CSMD1: variants seen among roughly 807,000 people sequenced by gnomAD.
The protein encoded by CSMD1 is CUB and Sushi multiple domains 1.
A neutral mutation model predicts 417.5 loss-of-function variants in CSMD1; 213 were observed. That is an observed-to-expected ratio of 0.51 (90% CI 0.46 to 0.57). CSMD1 has a LOEUF of 0.57. Ranked by LOEUF, CSMD1 falls within the 20% of genes least tolerant of loss-of-function variation. The probability of loss-of-function intolerance (pLI) is 0.00; values close to 1 mark genes in which losing one functional copy is unlikely to be tolerated. For missense variants in CSMD1, 6,923 were observed against 4,529.7 expected, an observed-to-expected ratio of 1.53 and a Z score of -15.17; for synonymous variants, 2,862 against 1,736.8, an observed-to-expected ratio of 1.65 and a Z score of -16.11.
intron 2 of CSMD1, among the ~76,000 whole-genome samples, chr8:4,564,674 A>G (rs1042909849): frequency 6.6e-6 from 1 of 152,258 alleles, no homozygotes; most frequent in Non-Finnish European, 1.5e-5. Context: ...TCTAAAGTCT[A>G]TAGTACCTGA....
intron 3 of CSMD1, among the ~76,000 whole-genome samples, chr8:4,289,263 C>A (rs973926729): frequency 6.6e-6 from 1 of 152,160 alleles, no homozygotes; most frequent in Non-Finnish European, 1.5e-5. Flanking sequence ...TCCCTGGAAG[C>A]CTCTTTAGGC....
intron 3 of CSMD1, among the ~76,000 whole-genome samples, chr8:4,301,604 G>C (rs905270500): frequency 3.3e-5 from 5 of 152,182 alleles, no homozygotes; most frequent in Non-Finnish European, 5.9e-5. Flanking sequence ...GATTGTATAA[G>C]CTGAACCAGT....
rs554262440 is a variant in CSMD1, at chr8:4,959,008, T to C, written c.85+35324A>G. ...AACGTGAAAACTTAAATCTTAATTG[T>C]ATGCTTTAACTGAGATTATCAAGCC... On this transcript the variant is annotated intron_variant, in intron 1 of 69. Transcript: ENST00000635120. Among the ~76,000 whole-genome samples the C allele has an allele frequency of 3.2e-4, 49 of 152,308 alleles. 2 individuals are homozygous for C. In the South Asian group the frequency reaches 9.5e-3, roughly 30 times the overall value.
At chr8:3,189,547 C>A (rs1412797686) in intron 34 of CSMD1, among the ~76,000 whole-genome samples, 1 of 152,098 alleles carries the variant, frequency 6.6e-6, no homozygotes, top group Non-Finnish European at 1.5e-5. Flanking sequence ...TATTAATTTT[C>A]AAAGATTCAT....
intron 3 of CSMD1, among the ~76,000 whole-genome samples, chr8:4,331,886 G>T (rs1585248706): frequency 1.3e-5 from 2 of 152,038 alleles, no homozygotes; most frequent in African/African-American, 2.4e-5. Context: ...CATAGCTAGA[G>T]AGTTTAACTA....
chr8:4,575,132 A>G (rs887600509), intron 2 of CSMD1, among the ~76,000 whole-genome samples: 6 of 152,212 alleles, frequency 3.9e-5, no homozygotes, highest in East Asian at 1.9e-4. Flanking sequence ...CTTTCATTCA[A>G]TAAATATTTT....
intron 3 of CSMD1, among the ~76,000 whole-genome samples, chr8:4,123,199 T>G (rs1327001850): frequency 6.6e-6 from 1 of 152,236 alleles, no homozygotes; most frequent in East Asian, 1.9e-4. Context: ...ATGGAAGGGT[T>G]AGGAATTCCT....
chr8:4,194,191 C>T (rs73658459), intron 3 of CSMD1, among the ~76,000 whole-genome samples: 1 of 152,080 alleles, frequency 6.6e-6, no homozygotes, highest in South Asian at 2.1e-4. Context: ...ACATGTCATA[C>T]CTGACACTAC....
chr8:3,725,668 G>A (rs924230003), intron 6 of CSMD1, among the ~76,000 whole-genome samples: 7 of 152,074 alleles, frequency 4.6e-5, no homozygotes, highest in South Asian at 4.2e-4. Flanking sequence ...TGGAGGACCC[G>A]GTCTCAGATG....
intron 5 of CSMD1, among the ~76,000 whole-genome samples, chr8:3,854,673 T>C (rs150802497): frequency 6.7e-6 from 1 of 149,632 alleles, no homozygotes; most frequent in East Asian, 2.0e-4. Flanking sequence ...GAGAGGGGGA[T>C]GGAGAGTGGG....
At chr8:3,921,178 C>T (rs1408139652) in intron 5 of CSMD1, among the ~76,000 whole-genome samples, 6 of 152,016 alleles carry the variant, frequency 3.9e-5, no homozygotes, top group Admixed American at 1.3e-4. Context: ...TGTTTATTTA[C>T]GATTCATCTT....
At chr8:3,745,536 T>C (rs764984929) in intron 6 of CSMD1, among the ~76,000 whole-genome samples, 3 of 152,198 alleles carry the variant, frequency 2.0e-5, no homozygotes, top group Non-Finnish European at 2.9e-5. Flanking sequence ...ATCATCACAA[T>C]TTTCAGTGGT....
At chr8:4,787,798 G>A (rs1331483104) in intron 1 of CSMD1, 2 of 1,573,728 alleles carry the variant, frequency 1.3e-6, no homozygotes, top group Non-Finnish European at 8.7e-7. Flanking sequence ...GACTGAATTG[G>A]ATATCATGAG....
intron 38 of CSMD1, among the ~76,000 whole-genome samples, chr8:3,158,324 T>A (rs544865082): frequency 1.5e-4 from 23 of 152,180 alleles, no homozygotes; most frequent in African/African-American, 5.1e-4. Flanking sequence ...CCTAAGAAGC[T>A]GAAAACAATT....
chr8:4,042,564 G>A (rs554480077), intron 3 of CSMD1, among the ~76,000 whole-genome samples: 3 of 152,022 alleles, frequency 2.0e-5, no homozygotes, highest in Admixed American at 6.6e-5. Context: ...CATTCCAGCG[G>A]AAGGTAATAG....
intron 33 of CSMD1, among the ~76,000 whole-genome samples, chr8:3,191,878 G>T (rs536540587): frequency 1.3e-5 from 2 of 152,286 alleles, no homozygotes; most frequent in African/African-American, 4.8e-5. Context: ...ATCCTCCTCA[G>T]TCCTTGTGTT....
Position 4,581,556 on chromosome 8 carries a change from T to A in CSMD1, c.302+55786A>T, listed in dbSNP as rs1382255. Reference sequence around the variant, plus strand: ...CATAACAGATTCATTTTAGCCAGCATTGTAAAAAATACTCAATATATCATT... The same window carrying A: ...CATAACAGATTCATTTTAGCCAGCAATGTAAAAAATACTCAATATATCATT... On this transcript the variant is annotated intron_variant, in intron 2 of 69. Coordinates refer to ENST00000635120, the MANE Select transcript of CSMD1 (RefSeq NM_033225.6). Among the ~76,000 whole-genome samples the A allele has an allele frequency of 2.9e-3, 435 of 152,094 alleles. 4 individuals carry two copies. The highest frequency in any genetic ancestry group is 9.2e-3 in the African/African-American group (383 of 41,478).
chr8:3,089,028 C>A (rs560210968), intron 48 of CSMD1, among the ~76,000 whole-genome samples: 3 of 152,254 alleles, frequency 2.0e-5, no homozygotes, highest in East Asian at 3.9e-4. Context: ...AGCCCCTCAA[C>A]ATACCTCTTC....
At chr8:4,806,408 G>T (rs184067671) in intron 1 of CSMD1, among the ~76,000 whole-genome samples, 3 of 152,184 alleles carry the variant, frequency 2.0e-5, no homozygotes, top group Admixed American at 2.0e-4. Flanking sequence ...AAAGTTCTTT[G>T]CCATAAAAGT....
Sources: allele counts gnomAD v4.1 joint callset (sites outside exome capture counted in the v4.1 genomes callset), GRCh38; gene constraint gnomAD v4.1.1; transcripts MANE v1.5; gene names NCBI Gene and HGNC (gene_info 2026-07-23, HGNC 2026-07-21).